CLSTN2: variants seen among roughly 807,000 people sequenced by gnomAD.
CLSTN2 encodes the protein calsyntenin-2.
Under a neutral mutation model 101.2 loss-of-function variants are expected in CLSTN2, and 48 were observed. The ratio of observed to expected loss-of-function variants is 0.47; its 90% confidence interval spans 0.38 to 0.60. The LOEUF (loss-of-function observed/expected upper bound fraction) is 0.60, where lower values mean the gene tolerates loss of function less well. Ranked by LOEUF, CLSTN2 falls within the 20% of genes least tolerant of loss-of-function variation. CLSTN2 has a pLI of 0.00. For missense variants in CLSTN2, 1,160 were observed against 1,238.2 expected (o/e 0.94, Z 0.95); for synonymous variants, 481 against 463.6 (o/e 1.04, Z -0.48).
intron 1 of CLSTN2, among the ~76,000 whole-genome samples, chr3:140,152,881 T>C (rs961817742): frequency 4.6e-5 from 7 of 152,306 alleles, no homozygotes; most frequent in African/African-American, 1.7e-4. Context: ...ATCCAATAAA[T>C]CCTTAACCTG....
rs1478527164 is a variant in CLSTN2, at chr3:140,575,574, G to A, written c.*9321G>A. ...GTCCTGAGCTGGACAGGGTGGGCAG[G>A]AGGTTGAAGAAAACCAGTTGGTGAG... On this transcript the variant is annotated 3_prime_UTR_variant, in exon 17 of 17. Transcript: ENST00000458420. 1 of 152,180 alleles carries A rather than the reference G, an allele frequency of 6.6e-6. No homozygotes were observed. The highest frequency in any genetic ancestry group is 2.4e-5 in the African/African-American group (1 of 41,444). 9.4% of individuals were successfully genotyped at this position (152,180 alleles called of 1,614,324 possible).
chr3:140,537,548 T>A (rs1426083263), intron 9 of CLSTN2, among the ~76,000 whole-genome samples: 2 of 152,102 alleles, frequency 1.3e-5, no homozygotes, highest in Non-Finnish European at 2.9e-5. Context: ...GCACACCCCC[T>A]TGCTATCATT....
At chr3:140,055,614 A>G (rs941776965) in intron 1 of CLSTN2, among the ~76,000 whole-genome samples, 6 of 152,240 alleles carry the variant, frequency 3.9e-5, no homozygotes, top group African/African-American at 1.4e-4. Context: ...GATTAAAACA[A>G]TAAAACTAAA....
intron 2 of CLSTN2, among the ~76,000 whole-genome samples, chr3:140,282,382 T>G (rs753177603): frequency 1.2e-4 from 18 of 152,130 alleles, no homozygotes; most frequent in Non-Finnish European, 2.5e-4. Context: ...TGAGTGGGCC[T>G]GGAGGGTCTG....
intron 5 of CLSTN2, among the ~76,000 whole-genome samples, chr3:140,422,003 A>G (rs1038156): frequency 0.097 from 14,695 of 152,150 alleles, 830 homozygotes; most frequent in East Asian, 0.18. Flanking sequence ...CAGGGATTCT[A>G]GAATTATCTC....
At chr3:140,163,354 A>G (rs912671772) in intron 1 of CLSTN2, among the ~76,000 whole-genome samples, 1 of 151,838 alleles carries the variant, frequency 6.6e-6, no homozygotes, top group African/African-American at 2.4e-5. Flanking sequence ...GGCCTGACCT[A>G]CAGTTCTCAA....
At chr3:140,061,028 G>A (rs906899442) in intron 1 of CLSTN2, among the ~76,000 whole-genome samples, 9 of 152,124 alleles carry the variant, frequency 5.9e-5, no homozygotes, top group Admixed American at 3.9e-4. Context: ...TGAGCAGAGG[G>A]GCATAAGAGA....
intron 2 of CLSTN2, among the ~76,000 whole-genome samples, chr3:140,263,094 A>G (rs772313942): frequency 2.6e-5 from 4 of 151,696 alleles, no homozygotes; most frequent in Non-Finnish European, 4.4e-5. Flanking sequence ...ACATTACCCA[A>G]TGAGAAGACT....
intron 2 of CLSTN2, among the ~76,000 whole-genome samples, chr3:140,298,383 C>T (rs545426839): frequency 2.6e-5 from 4 of 152,162 alleles, no homozygotes; most frequent in East Asian, 3.9e-4. Context: ...TCCATTAGAC[C>T]GGAAGGAAAT....
intron 2 of CLSTN2, among the ~76,000 whole-genome samples, chr3:140,268,817 G>A (rs901248292): frequency 2.0e-5 from 3 of 152,044 alleles, no homozygotes; most frequent in East Asian, 3.9e-4. Flanking sequence ...ACAACATTAC[G>A]CAACCCACTT....
intron 1 of CLSTN2, among the ~76,000 whole-genome samples, chr3:140,042,633 C>T (rs560377467): frequency 1.1e-4 from 17 of 152,270 alleles, no homozygotes; most frequent in African/African-American, 3.8e-4. Flanking sequence ...ATTAACTCAT[C>T]ATTTACATTA....
intron 1 of CLSTN2, among the ~76,000 whole-genome samples, chr3:139,955,964 C>T (rs931757779): frequency 3.3e-5 from 5 of 152,126 alleles, no homozygotes; most frequent in African/African-American, 9.7e-5. Flanking sequence ...TACATATCTT[C>T]GTTAAGTTGC....
chr3:140,139,026 G>C (rs1461853777), intron 1 of CLSTN2, among the ~76,000 whole-genome samples: 1 of 152,170 alleles, frequency 6.6e-6, no homozygotes, highest in South Asian at 2.1e-4. Flanking sequence ...CTGTCACCTG[G>C]ACTTTGTTTT....
intron 2 of CLSTN2, among the ~76,000 whole-genome samples, chr3:140,216,484 T>C (rs939715533): frequency 6.6e-6 from 1 of 152,144 alleles, no homozygotes; most frequent in Non-Finnish European, 1.5e-5. Context: ...TCTGGAGCAA[T>C]GAGTGCTCTG....
chr3:140,207,116 A>G (rs1392005106), intron 2 of CLSTN2, among the ~76,000 whole-genome samples: 1 of 152,186 alleles, frequency 6.6e-6, no homozygotes, highest in Non-Finnish European at 1.5e-5. Context: ...CTACTTCTCC[A>G]TCAGAGCCAA....
chr3:139,952,272 C>T (rs975648439), intron 1 of CLSTN2, among the ~76,000 whole-genome samples: 7 of 152,140 alleles, frequency 4.6e-5, no homozygotes, highest in South Asian at 2.1e-4. Flanking sequence ...ATTCCTTATG[C>T]GTCACCATAT....
chr3:140,536,178 C>T (rs1246393363), intron 9 of CLSTN2, among the ~76,000 whole-genome samples: 2 of 152,046 alleles, frequency 1.3e-5, no homozygotes, highest in Non-Finnish European at 2.9e-5. Flanking sequence ...TGTACGGACC[C>T]AGCAGTATCC....
chr3:140,261,071 C>G (rs981715165), intron 2 of CLSTN2, among the ~76,000 whole-genome samples: 1 of 152,066 alleles, frequency 6.6e-6, no homozygotes, highest in Admixed American at 6.6e-5. Context: ...TGTTAGGTCT[C>G]CTCGCTATAA....
rs542108126 is a variant in CLSTN2 at position 140,247,501 on chromosome 3, A to G, written c.232+71428A>G. Among the ~76,000 whole-genome samples, 4 of 152,344 alleles carry G rather than the reference A, an allele frequency of 2.6e-5. No homozygotes were observed. The South Asian group carries it at 8.3e-4, about 32-fold the overall frequency. On this transcript the variant is annotated intron_variant, in intron 2 of 16. Coordinates refer to ENST00000458420, the MANE Select transcript of CLSTN2 (RefSeq NM_022131.3). ...TTGATGCCTAAAATTATCAATGTCA[A>G]ACTGGCATACCAGGTAGATTTCTTT... is the stretch of plus-strand genomic sequence containing the variant.
Sources: allele counts gnomAD v4.1 joint callset (sites outside exome capture counted in the v4.1 genomes callset), GRCh38; gene constraint gnomAD v4.1.1; transcripts MANE v1.5; gene names NCBI Gene and HGNC (gene_info 2026-07-23, HGNC 2026-07-21).